The following CENPP variants were observed in gnomAD, a reference collection of about 807,000 sequenced individuals.
The protein encoded by CENPP is centromere protein P.
A neutral mutation model predicts 35.6 loss-of-function variants in CENPP; 24 were observed. The observed-to-expected ratio is 0.67, with a 90% CI of 0.49 to 0.95. The LOEUF (loss-of-function observed/expected upper bound fraction) is 0.95, where lower values mean the gene tolerates loss of function less well. CENPP is among the 40% of genes least tolerant of loss of function. The probability of loss-of-function intolerance (pLI) is 0.00; values close to 1 mark genes in which losing one functional copy is unlikely to be tolerated. For synonymous variants in CENPP, 120 were observed against 125.5 expected (o/e 0.96, Z 0.29); for missense variants, 332 against 345.3 (o/e 0.96, Z 0.31).
In CENPP at chr9:92,613,523, C is replaced by T; in HGVS notation, c.*374C>T. On this transcript the variant is annotated 3_prime_UTR_variant, in exon 8 of 8. Coordinates refer to ENST00000375587, the MANE Select transcript of CENPP (RefSeq NM_001012267.3). ...TCAGCTGGGAGAAGCCACCCTTATCCTGGTTCCTGCCTCCTGGGGGCTCTG... is the reference window on the plus strand; with the variant it reads ...TCAGCTGGGAGAAGCCACCCTTATCTTGGTTCCTGCCTCCTGGGGGCTCTG... The T allele has an allele frequency of 4.3e-6, 1 of 233,620 alleles. No homozygotes were observed. Among genetic ancestry groups the T allele is most frequent in the East Asian group, 1.1e-4 (1 of 9,406 alleles). 14.5% of individuals were successfully genotyped at this position (233,620 alleles called of 1,614,324 possible). A position where few individuals can be genotyped will look rare whatever the true frequency, so the allele number is the denominator to read the frequency against.
Position 92,522,662 on chromosome 9 carries a change from T to C in CENPP, c.565-88652T>C. On this transcript the variant is annotated intron_variant, in intron 5 of 7. Transcript: ENST00000375587. ...TCCATGCTATAATCAAAGTTAACAA[T>C]AGGAAGTCTTGCTACTGGTGTAAAA... 1.9e-6 allele frequency: 3 copies of C among 1,614,122 alleles called. No homozygotes were observed. The highest frequency in any genetic ancestry group is 1.7e-6 in the Non-Finnish European group (2 of 1,180,016).
chr9:92,494,273 G>C lies in CENPP; in HGVS notation c.564+114414G>C, dbSNP rs528597147. 268 of 840,028 alleles carry C rather than the reference G, an allele frequency of 3.2e-4. 1 individual carries two copies. Among genetic ancestry groups the C allele is most frequent in the Non-Finnish European group, 4.3e-4 (242 of 563,164 alleles). The allele number at this position is 840,028 out of a possible 1,614,324, so 52.0% of individuals were successfully genotyped here. A position where few individuals can be genotyped will look rare whatever the true frequency, so the allele number is the denominator to read the frequency against. On this transcript the variant is annotated intron_variant, in intron 5 of 7. Coordinates refer to ENST00000375587, the MANE Select transcript of CENPP (RefSeq NM_001012267.3). ...TTGAGCCCCCTTTAATACTAATTTTGTTTACAGCTTAGATTGCCTTAAACC... is the reference window on the plus strand; with the variant it reads ...TTGAGCCCCCTTTAATACTAATTTTCTTTACAGCTTAGATTGCCTTAAACC...
intron 5 of CENPP, among the ~76,000 whole-genome samples, chr9:92,416,070 ATTTATT>A (rs371293772): frequency 0.015 from 1,958 of 131,214 alleles, 25 homozygotes; most frequent in East Asian, 0.019. Flanking sequence ...ATATATATAT[ATTTATT>A]TATTTATTTA....
intron 1 of CENPP, among the ~76,000 whole-genome samples, chr9:92,329,025 A>G (rs1840654837): frequency 6.6e-6 from 1 of 152,166 alleles, no homozygotes; most frequent in Non-Finnish European, 1.5e-5. Flanking sequence ...AGCCACTCTG[A>G]CAACTGCAGG....
intron 4 of CENPP, among the ~76,000 whole-genome samples, chr9:92,365,066 C>T (rs558499927): frequency 1.3e-5 from 2 of 152,190 alleles, no homozygotes; most frequent in South Asian, 4.1e-4. Flanking sequence ...TGTCGTTGTG[C>T]TTAATATGTA....
At chr9:92,418,872 A>G (rs986612344) in intron 5 of CENPP, among the ~76,000 whole-genome samples, 1 of 152,150 alleles carries the variant, frequency 6.6e-6, no homozygotes, top group African/African-American at 2.4e-5. Context: ...TTGAATAACT[A>G]CTTTAAATCC....
At chr9:92,353,463 T>C (rs1480685429) in intron 4 of CENPP, among the ~76,000 whole-genome samples, 2 of 152,164 alleles carry the variant, frequency 1.3e-5, no homozygotes, top group Non-Finnish European at 1.5e-5. Flanking sequence ...TTACAGGGCT[T>C]GGTAATACTA....
intron 4 of CENPP, among the ~76,000 whole-genome samples, chr9:92,378,110 A>T (rs1842164532): frequency 6.6e-6 from 1 of 152,162 alleles, no homozygotes; most frequent in African/African-American, 2.4e-5. Flanking sequence ...GGGCTAGCTG[A>T]CAAAGCTTCC....
At chr9:92,359,120 T>C (rs1841671819) in intron 4 of CENPP, among the ~76,000 whole-genome samples, 2 of 152,046 alleles carry the variant, frequency 1.3e-5, no homozygotes, top group South Asian at 4.1e-4. Flanking sequence ...CAGCTAATTT[T>C]GTATTTTTAG....
At chr9:92,493,925 G>A in intron 5 of CENPP, 1 of 531,058 alleles carries the variant, frequency 1.9e-6, no homozygotes, top group Non-Finnish European at 3.3e-6. Context: ...TGCTCCACAG[G>A]CACCGGTCTG....
chr9:92,535,900 T>C, intron 5 of CENPP: 2 of 458,506 alleles, frequency 4.4e-6, no homozygotes, highest in South Asian at 1.7e-5. Context: ...TTCCACATGC[T>C]AAGTAGAAAC....
At chr9:92,373,708 C>G (rs1418429889) in intron 4 of CENPP, among the ~76,000 whole-genome samples, 1 of 152,076 alleles carries the variant, frequency 6.6e-6, no homozygotes, top group Non-Finnish European at 1.5e-5. Context: ...TGCCTGTACT[C>G]CCAGCTACTC....
At chr9:92,465,277 A>G (rs1845262955) in intron 5 of CENPP, among the ~76,000 whole-genome samples, 1 of 152,220 alleles carries the variant, frequency 6.6e-6, no homozygotes, top group Non-Finnish European at 1.5e-5. Context: ...TTGAATTACC[A>G]TATCAGTGAC....
chr9:92,616,088 A>G lies in CENPP; in HGVS notation c.*2939A>G, dbSNP rs753608519. The G allele has an allele frequency of 1.4e-6, 2 of 1,477,960 alleles. No individual in the cohort carries two copies. The highest frequency in any genetic ancestry group is 1.8e-5 in the Admixed American group (1 of 55,720). The allele number at this position is 1,477,960 out of a possible 1,614,324, so 91.6% of individuals were successfully genotyped here. Reference sequence around the variant, plus strand: ...AGTAAAAAGTACCATTTCAGGATACACAAGCCCCCCATTCATTTCCCTCCC... The same window carrying G: ...AGTAAAAAGTACCATTTCAGGATACGCAAGCCCCCCATTCATTTCCCTCCC... On this transcript the variant is annotated 3_prime_UTR_variant, in exon 8 of 8. Transcript: ENST00000375587.
chr9:92,468,498 T>C (rs1387080115), intron 5 of CENPP, among the ~76,000 whole-genome samples: 1 of 152,210 alleles, frequency 6.6e-6, no homozygotes, highest in African/African-American at 2.4e-5. Context: ...GGGAGGGCTG[T>C]GATTGTGTTC....
chr9:92,400,551 A>G (rs947464752), intron 5 of CENPP, among the ~76,000 whole-genome samples: 1 of 152,228 alleles, frequency 6.6e-6, no homozygotes, highest in Non-Finnish European at 1.5e-5. Flanking sequence ...TTTTAGAAAT[A>G]TAGAAATTAA....
rs189762262 is a variant in CENPP at position 92,346,334 on chromosome 9, T to C, written c.467+547T>C. Among the ~76,000 whole-genome samples the C allele has an allele frequency of 4.7e-4, 71 of 152,278 alleles. No homozygotes were observed. In the East Asian group the frequency reaches 0.012, roughly 26 times the overall value. On this transcript the variant is annotated intron_variant, in intron 4 of 7. Coordinates refer to ENST00000375587, the MANE Select transcript of CENPP (RefSeq NM_001012267.3). ...CTAGCAGAGAGAACATGAAATCATT[T>C]GCTGAAGCTTGAACTGACATCTGAA...
chr9:92,356,122 A>G (rs931112596), intron 4 of CENPP, among the ~76,000 whole-genome samples: 3 of 152,252 alleles, frequency 2.0e-5, no homozygotes, highest in Non-Finnish European at 4.4e-5. Context: ...TAAACTAAAA[A>G]TAACTACTGC....
At chr9:92,417,048 A>G in intron 5 of CENPP, 1 of 1,614,042 alleles carries the variant, frequency 6.2e-7, no homozygotes, top group Non-Finnish European at 8.5e-7. Context: ...ATTTCATTGT[A>G]ACCAAGAAGG....
Sources: allele counts gnomAD v4.1 joint callset (sites outside exome capture counted in the v4.1 genomes callset), GRCh38; gene constraint gnomAD v4.1.1; transcripts MANE v1.5; gene names NCBI Gene and HGNC (gene_info 2026-07-23, HGNC 2026-07-21).